The following PI16 variants were observed in gnomAD, a reference collection of about 807,000 sequenced individuals.
PI16 encodes the protein PSP94-binding protein.
Under a neutral mutation model 38.0 loss-of-function variants are expected in PI16, and 35 were observed. That is an observed-to-expected ratio of 0.92 (90% confidence interval 0.70 to 1.22). The LOEUF (loss-of-function observed/expected upper bound fraction) is 1.22. Among genes scored for constraint, PI16 ranks in the 50% most tolerant of loss-of-function variants. The pLI is 0.00. For missense variants in PI16, 572 were observed against 593.8 expected, an observed-to-expected ratio of 0.96 and a Z score of 0.38; for synonymous variants, 275 against 252.9, an observed-to-expected ratio of 1.09 and a Z score of -0.83.
rs1763388029 is a variant in PI16, at chr6:36,962,266, G to A, written c.592+292G>A. Among the ~76,000 whole-genome samples the A allele has an allele frequency of 6.6e-6, 1 of 152,192 alleles. No homozygotes were observed. The highest frequency in any genetic ancestry group is 1.5e-5 in the Non-Finnish European group (1 of 68,020). ...GTGTCGCCACACTTTAGGGTCTCGAGGAGCGGGCTGGGGCCAGACCGGTGG... is the reference window on the plus strand; with the variant it reads ...GTGTCGCCACACTTTAGGGTCTCGAAGAGCGGGCTGGGGCCAGACCGGTGG... On this transcript the variant is annotated intron_variant, in intron 4 of 6. Transcript: ENST00000373674. The surrounding 1 kb of genome is among the most constrained non-coding windows in gnomAD (Gnocchi z 4.1).
At position 36,963,134 on chromosome 6, in the gene PI16, C is replaced by T. The variant is rs770420658; in HGVS notation, c.792C>T (p.Ala264=). 12 of 1,614,186 alleles carry T rather than the reference C, an allele frequency of 7.4e-6. No individual in the cohort carries two copies. The highest frequency in any genetic ancestry group is 1.0e-5 in the Non-Finnish European group (12 of 1,180,034). The change falls in exon 5 of 7, where the codon GCC becomes GCT. Residue 264 remains alanine, a synonymous_variant. Coordinates refer to ENST00000373674, the MANE Select transcript of PI16 (RefSeq NM_153370.3). ...TKALPAVETQ[A]PTSLATKDPP... Reference sequence around the variant, plus strand: ...CTCTGCCTGCTGTGGAAACCCAGGCCCCAACTTCCTTAGCAACGAAAGACC... The same window carrying T: ...CTCTGCCTGCTGTGGAAACCCAGGCTCCAACTTCCTTAGCAACGAAAGACC...
chr6:36,961,993 G>A lies in PI16; in HGVS notation c.592+19G>A. 6.3e-7 allele frequency: 1 copy of A among 1,596,800 alleles called. No homozygotes were observed. Among genetic ancestry groups the A allele is most frequent in the Non-Finnish European group, 8.6e-7 (1 of 1,164,262 alleles). ...CTCTGTGGTGAGTCCACGGGTGGAT[G>A]GGTAGGGGCAGGGGGTGTGGAAATG... is the stretch of plus-strand genomic sequence containing the variant. On this transcript the variant is annotated intron_variant, in intron 4 of 6. Coordinates refer to ENST00000373674, the MANE Select transcript of PI16 (RefSeq NM_153370.3).
At chr6:36,949,098 T>A (rs1379236290) in intron 1 of PI16, among the ~76,000 whole-genome samples, 1 of 151,550 alleles carries the variant, frequency 6.6e-6, no homozygotes, top group African/African-American at 2.4e-5. Flanking sequence ...ATTTTCTTTT[T>A]CTCTCTCTCC....
Position 36,962,685 on chromosome 6 carries a change from T to C in PI16, c.593-250T>C, listed in dbSNP as rs535231233. ...ATGGGGTTTCTCCATGTTGGTCAGG[T>C]TGGTCTCGAACTCCTGACCTCAGGT... On this transcript the variant is annotated intron_variant, in intron 4 of 6. Transcript: ENST00000373674. The surrounding 1 kb of genome is among the most constrained non-coding windows in gnomAD (Gnocchi z 4.1). Among the ~76,000 whole-genome samples the C allele has an allele frequency of 5.6e-4, 85 of 152,176 alleles. 1 individual carries two copies. In the East Asian group the frequency reaches 0.012, roughly 22 times the overall value.
At chr6:36,950,670 AGTAGCTG>A (rs1763085913), upstream of PI16, among the ~76,000 whole-genome samples, 2 of 152,022 alleles carry the variant, frequency 1.3e-5, no homozygotes, top group South Asian at 4.2e-4. The surrounding 1 kb of genome is among the most constrained non-coding windows in gnomAD (Gnocchi z 4.2). Flanking sequence ...CAGCCTCCTG[AGTAGCTG>A]GGATTACAGG....
chr6:36,955,941 G>A (rs139863069), intron 1 of PI16, among the ~76,000 whole-genome samples: 2 of 152,330 alleles, frequency 1.3e-5, no homozygotes, highest in East Asian at 3.9e-4. Flanking sequence ...AGGTGACTGG[G>A]GAGGTTGCTG....
chr6:36,963,687 T>G, intron 5 of PI16, 75 bp downstream of exon 5: 4 of 1,563,800 alleles, frequency 2.6e-6, no homozygotes, highest in Non-Finnish European at 3.5e-6. Context: ...ATAGGTGGTA[T>G]GAGCATGGTG....
At chr6:36,955,104 G>A (rs41272194) in intron 1 of PI16, among the ~76,000 whole-genome samples, 173 bp downstream of exon 1, 18,587 of 151,992 alleles carry the variant, frequency 0.12, 1,261 homozygotes, top group Middle Eastern at 0.22. Context: ...TACTTTAAAT[G>A]GCAAAAACCA....
chr6:36,963,481 C>T lies in PI16; in HGVS notation c.1139C>T (p.Pro380Leu), dbSNP rs1034916133. 5 of 1,614,044 alleles carry T rather than the reference C, an allele frequency of 3.1e-6. No homozygotes were observed. In the African/African-American group the frequency reaches 6.7e-5, roughly 22 times the overall value. ...LASVFPAQDKPGELQATLDHT... is the reference protein window; with the variant it reads ...LASVFPAQDKLGELQATLDHT... Reference sequence around the variant, plus strand: ...TCAGTTTTTCCAGCCCAGGACAAGCCAGGTGAGCTGCAGGCCACACTGGAC... The same window carrying T: ...TCAGTTTTTCCAGCCCAGGACAAGCTAGGTGAGCTGCAGGCCACACTGGAC... The change falls in exon 5 of 7, where the codon CCA becomes CTA. Residue 380 changes from proline (P) to leucine (L), a missense_variant. Coordinates refer to ENST00000373674, the MANE Select transcript of PI16 (RefSeq NM_153370.3).
chr6:36,950,571 T>G (rs6914608), upstream of PI16, among the ~76,000 whole-genome samples: 38,109 of 151,604 alleles, frequency 0.25, 5,267 homozygotes, highest in African/African-American at 0.35. This position sits in a 1 kb window ranked among gnomAD's most constrained non-coding sequence, Gnocchi z 4.2. Context: ...AAGATGGAGT[T>G]TCGCTCTTGT....
chr6:36,956,242 C>T (rs72848006), intron 1 of PI16, among the ~76,000 whole-genome samples: 1 of 152,302 alleles, frequency 6.6e-6, no homozygotes, highest in Non-Finnish European at 1.5e-5. Flanking sequence ...GCCTGCACAT[C>T]GAGGAAAGGT....
chr6:36,960,651 C>G (rs868228538), intron 2 of PI16, among the ~76,000 whole-genome samples: 2 of 144,186 alleles, frequency 1.4e-5, no homozygotes. Context: ...CACCCCCCCC[C>G]TCCCTCTACC....
Position 36,963,297 on chromosome 6 carries a change from GCAGA to G in PI16, c.958_961del (p.Asp320LysfsTer2), listed in dbSNP as rs1763424324. ...GACCCATGTTCCTATCCCAAAATCA[GCAGA>G]CAAAGTGACAGACAAAACAAAAGTG... is the stretch of plus-strand genomic sequence containing the variant. On this transcript the variant is annotated frameshift_variant, in exon 5 of 7. Coordinates refer to ENST00000373674, the MANE Select transcript of PI16 (RefSeq NM_153370.3). LOFTEE classifies it high-confidence loss of function. 1.9e-6 allele frequency: 3 copies of G among 1,614,224 alleles called. No individual in the cohort carries two copies. Among genetic ancestry groups the G allele is most frequent in the Non-Finnish European group, 2.5e-6 (3 of 1,180,042 alleles).
At position 36,962,951 on chromosome 6, in the gene PI16, G is replaced by A; in HGVS notation, c.609G>A (p.Pro203=). ...KNSLCEPIGS[P]EDAQDLPYLV... is the part of the protein sequence containing the mutation. ...TCTTATCAGAACCCATCGGAAGCCC[G>A]GAAGATGCTCAGGATTTGCCTTACC... Residue 203 remains proline (P), a synonymous_variant, in exon 5 of 7, where the codon CCG becomes CCA. Coordinates refer to ENST00000373674, the MANE Select transcript of PI16 (RefSeq NM_153370.3). This position sits in a 1 kb window ranked among gnomAD's most constrained non-coding sequence, Gnocchi z 4.1. 1.2e-6 allele frequency: 2 copies of A among 1,613,020 alleles called. No individual in the cohort carries two copies. The highest frequency in any genetic ancestry group is 1.7e-6 in the Non-Finnish European group (2 of 1,179,270).
At chr6:36,954,626 A>T, upstream of PI16, 2 of 1,412,614 alleles carry the variant, frequency 1.4e-6, no homozygotes, top group Non-Finnish European at 1.9e-6. Context: ...CCTCCCTGAG[A>T]CATTGTGTGA....
chr6:36,955,014 T>A (rs1763168002), intron 1 of PI16, 83 bp downstream of exon 1: 1 of 1,472,376 alleles, frequency 6.8e-7, no homozygotes, highest in Non-Finnish European at 9.0e-7. Context: ...ACCCTGCTCC[T>A]CATGCTGAAG....
chr6:36,954,737 GAGA>G lies in PI16; in HGVS notation c.-21_-19del, dbSNP rs770226171. On this transcript the variant is annotated 5_prime_UTR_variant, in exon 1 of 7. Transcript: ENST00000373674. ...ATCCAGCTGCCAGACCCCTGGACGG[GAGA>G]AGGAGAGACGGCTGGCCACCATGCA... is the stretch of plus-strand genomic sequence containing the variant. 4.4e-5 allele frequency: 70 copies of G among 1,602,562 alleles called. 1 individual carries two copies. The highest frequency in any genetic ancestry group is 3.7e-4 in the Admixed American group (22 of 58,810).
Position 36,963,423 on chromosome 6 carries a change from G to T in PI16, c.1081G>T (p.Ala361Ser). Residue 361 changes from alanine to serine, a missense_variant, in exon 5 of 7, where the codon GCT (alanine) becomes TCT (serine). By Grantham distance (99) the Ala-to-Ser change is moderately conservative. Transcript: ENST00000373674. ...PHAQEEAEAE[A>S]ELPPSSEVLA... is the part of the protein sequence containing the mutation. ...TGCCCAGGAGGAGGCTGAGGCTGAG[G>T]CTGAGTTGCCTCCTTCCAGTGAGGT... 1 of 1,614,174 alleles carries T rather than the reference G, an allele frequency of 6.2e-7. No individual in the cohort carries two copies. The highest frequency in any genetic ancestry group is 8.5e-7 in the Non-Finnish European group (1 of 1,180,032).
At chr6:36,950,283 G>A (rs2150732214), upstream of PI16, among the ~76,000 whole-genome samples, 1 of 152,224 alleles carries the variant, frequency 6.6e-6, no homozygotes, top group East Asian at 1.9e-4. This position sits in a 1 kb window ranked among gnomAD's most constrained non-coding sequence, Gnocchi z 4.2. Context: ...ATATAAGTGG[G>A]ATCATGTAAG....
Sources: gnomAD v4.1 joint callset for allele counts (sites outside exome capture counted in the v4.1 genomes callset) on GRCh38, gnomAD v4.1.1 for gene constraint, Gnocchi (gnomAD v3.1) non-coding constraint, MANE v1.5 for transcripts, NCBI Gene and HGNC (gene_info 2026-07-23, HGNC 2026-07-21) for gene names.